RAB3GAP2: variants seen among roughly 807,000 people sequenced by gnomAD.
RAB3GAP2 encodes the protein rab3 GTPase-activating protein non-catalytic subunit.
Under a neutral mutation model 185.3 loss-of-function variants are expected in RAB3GAP2, and 87 were observed. The ratio of observed to expected loss-of-function variants is 0.47; its 90% CI spans 0.39 to 0.56. RAB3GAP2 has a LOEUF of 0.56. RAB3GAP2 is among the 20% of genes least tolerant of loss of function. The pLI, the probability that RAB3GAP2 is intolerant of heterozygous loss-of-function variation, is 0.00. For synonymous variants in RAB3GAP2, 554 were observed against 576.1 expected, an observed-to-expected ratio of 0.96 and a Z score of 0.55; for missense variants, 1,492 against 1,638.2, an observed-to-expected ratio of 0.91 and a Z score of 1.54.
At chr1:220,231,583 C>T (rs903075859) in intron 2 of RAB3GAP2, among the ~76,000 whole-genome samples, 1 of 152,144 alleles carries the variant, frequency 6.6e-6, no homozygotes, top group Non-Finnish European at 1.5e-5. Context: ...TGGCCATGGG[C>T]CTCAGGAGAA....
intron 2 of RAB3GAP2, 106 bp from the exon 3 acceptor site, chr1:220,214,085 TA>T: frequency 8.9e-7 from 1 of 1,124,024 alleles, no homozygotes; most frequent in Non-Finnish European, 1.3e-6. Flanking sequence ...GAAAAGGAAA[TA>T]TTTCCAATTC....
intron 1 of RAB3GAP2, chr1:220,271,246 A>T (rs997175888): frequency 1.3e-5 from 2 of 152,198 alleles, no homozygotes; most frequent in Non-Finnish European, 2.9e-5. Context: ...TTTTCTAAAA[A>T]AGGGAGAGGA....
At chr1:220,201,452 C>G (rs997429488) in intron 9 of RAB3GAP2, among the ~76,000 whole-genome samples, 2 of 152,126 alleles carry the variant, frequency 1.3e-5, no homozygotes, top group Admixed American at 1.3e-4. Context: ...AATACTGTGG[C>G]TGAGGGCATA....
intron 28 of RAB3GAP2, among the ~76,000 whole-genome samples, chr1:220,161,869 A>G (rs186505938): frequency 2.0e-5 from 3 of 152,374 alleles, no homozygotes; most frequent in Admixed American, 1.3e-4. Context: ...TTCAAAGAAA[A>G]TATCTTGGCC....
intron 1 of RAB3GAP2, among the ~76,000 whole-genome samples, chr1:220,257,550 A>C (rs1457943516): frequency 6.6e-6 from 1 of 152,210 alleles, no homozygotes; most frequent in Non-Finnish European, 1.5e-5. Context: ...ACACTGTACC[A>C]GAATCTCTGA....
intron 20 of RAB3GAP2, among the ~76,000 whole-genome samples, 166 bp from the exon 21 acceptor site, chr1:220,182,520 CCA>C (rs1022742606): frequency 4.6e-5 from 7 of 152,264 alleles, no homozygotes; most frequent in African/African-American, 1.7e-4. Context: ...AAATCATGAT[CCA>C]ATATTGTCTC....
chr1:220,174,840 C>T (rs1423599436), intron 21 of RAB3GAP2, among the ~76,000 whole-genome samples: 6 of 152,078 alleles, frequency 3.9e-5, no homozygotes. Flanking sequence ...CATAATTACA[C>T]CATGTTCCTT....
At position 220,182,701 on chromosome 1, in the gene RAB3GAP2, T is replaced by C. The variant is rs529366896; in HGVS notation, c.2212+17A>G. ...AAAAGAAGAGGCATACAAAGACCAG[T>C]GTATTATTTTACCTACCTAAAGCCA... On this transcript the variant is annotated intron_variant, in intron 20 of 34. Transcript: ENST00000358951. 1 of 1,528,920 alleles carries C rather than the reference T, an allele frequency of 6.5e-7. No homozygotes were observed. Among genetic ancestry groups the C allele is most frequent in the South Asian group, 1.2e-5 (1 of 81,086 alleles). 94.7% of individuals were successfully genotyped at this position (1,528,920 alleles called of 1,614,324 possible). A position where few individuals can be genotyped will look rare whatever the true frequency, so the allele number is the denominator to read the frequency against.
chr1:220,172,825 A>G lies in RAB3GAP2; in HGVS notation c.2311-83T>C, dbSNP rs150060767. ...TTACACTTTCCTAGACAGCAGATGC[A>G]TGCATATGGATGATGCAGCTTCTTG... On this transcript the variant is annotated intron_variant, in intron 21 of 34. Coordinates refer to ENST00000358951, the MANE Select transcript of RAB3GAP2 (RefSeq NM_012414.4). The G allele has an allele frequency of 1.1e-3, 936 of 828,092 alleles. 8 individuals carry two copies. In the East Asian group the frequency reaches 0.022, roughly 20 times the overall value. 51.3% of individuals were successfully genotyped at this position (828,092 alleles called of 1,614,324 possible).
chr1:220,195,995 T>C (rs1014603835), intron 10 of RAB3GAP2, among the ~76,000 whole-genome samples: 1 of 152,202 alleles, frequency 6.6e-6, no homozygotes, highest in African/African-American at 2.4e-5. Context: ...TGCACCAATA[T>C]TTAAAGACAT....
intron 9 of RAB3GAP2, chr1:220,200,729 A>G (rs1426127184): frequency 2.1e-6 from 1 of 477,990 alleles, no homozygotes; most frequent in Non-Finnish European, 4.3e-6. Flanking sequence ...AATGTTTACC[A>G]ATAGGTTTTT....
chr1:220,184,203 T>C, intron 18 of RAB3GAP2, 40 bp from the exon 19 acceptor site: 5 of 1,540,120 alleles, frequency 3.2e-6, no homozygotes, highest in Non-Finnish European at 4.5e-6. Flanking sequence ...GAGATATATT[T>C]AACAGACTCA....
intron 24 of RAB3GAP2, among the ~76,000 whole-genome samples, chr1:220,168,093 TTTTG>T (rs1419904070): frequency 3.3e-5 from 5 of 152,128 alleles, no homozygotes; most frequent in East Asian, 1.9e-4. Context: ...AATATTACTT[TTTTG>T]TTTGTTTGTT....
chr1:220,238,728 T>C (rs1041692463), intron 1 of RAB3GAP2, among the ~76,000 whole-genome samples: 1 of 152,192 alleles, frequency 6.6e-6, no homozygotes, highest in African/African-American at 2.4e-5. Context: ...CAAACTAAGG[T>C]TAATCCTTTA....
chr1:220,250,892 C>T (rs370633978), intron 1 of RAB3GAP2, among the ~76,000 whole-genome samples: 3 of 152,218 alleles, frequency 2.0e-5, no homozygotes, highest in East Asian at 1.9e-4. Flanking sequence ...TTCCTGAGGC[C>T]TCCTCAGGCA....
intron 8 of RAB3GAP2, among the ~76,000 whole-genome samples, chr1:220,204,319 C>T (rs1235058530): frequency 6.6e-6 from 1 of 152,018 alleles, no homozygotes. Flanking sequence ...TTTTCAGAAT[C>T]TTTTAAATTA....
rs1314042350 is a variant in RAB3GAP2 at position 220,157,414 on chromosome 1, T to C, written c.3411A>G (p.Pro1137=). ...TEDAWLSVEG[P]ISIVELALEQ... is the part of the protein sequence containing the mutation. ...CAAGGGCCAGTTCCACTATGGAGAT[T>C]GGTCCTTCCACGGAGAGCCACGCAT... The change falls in exon 31 of 35, where the codon CCA becomes CCG. Residue 1137 remains proline (P), a synonymous_variant. Coordinates refer to ENST00000358951, the MANE Select transcript of RAB3GAP2 (RefSeq NM_012414.4). 6.2e-7 allele frequency: 1 copy of C among 1,613,946 alleles called. No individual in the cohort carries two copies. Among genetic ancestry groups the C allele is most frequent in the East Asian group, 2.2e-5 (1 of 44,876 alleles).
Position 220,148,654 on chromosome 1 carries a change from T to C in RAB3GAP2, c.*2597A>G, listed in dbSNP as rs1448575338. 6.6e-6 allele frequency: 1 copy of C among 152,214 alleles called. No individual in the cohort carries two copies. The highest frequency in any genetic ancestry group is 1.5e-5 in the Non-Finnish European group (1 of 68,028). The allele number at this position is 152,214 out of a possible 1,614,324, so 9.4% of individuals were successfully genotyped here. On this transcript the variant is annotated 3_prime_UTR_variant, in exon 35 of 35. Transcript: ENST00000358951. ...ATTAAATTTCAGATTTTTGACTTTTTAGATCGCAATTGTTTTTAAAAAGCA... is the reference window on the plus strand; with the variant it reads ...ATTAAATTTCAGATTTTTGACTTTTCAGATCGCAATTGTTTTTAAAAAGCA...
At chr1:220,253,609 G>T in intron 1 of RAB3GAP2, 1 of 1,578,044 alleles carries the variant, frequency 6.3e-7, no homozygotes, top group Non-Finnish European at 8.7e-7. Flanking sequence ...ATTCCAGGAG[G>T]GTGAGCGAGT....
Sources: allele counts gnomAD v4.1 joint callset (sites outside exome capture counted in the v4.1 genomes callset), GRCh38; gene constraint gnomAD v4.1.1; transcripts MANE v1.5; gene names NCBI Gene and HGNC (gene_info 2026-07-23, HGNC 2026-07-21).